Variants in TTC7A observed in about 807,000 individuals in gnomAD.
TTC7A encodes the protein tetratricopeptide repeat protein 7A.
A neutral mutation model predicts 103.7 loss-of-function variants in TTC7A; 110 were observed. The observed-to-expected ratio is 1.06, with a 90% CI of 0.91 to 1.24. TTC7A has a LOEUF of 1.24. Ranked by LOEUF, TTC7A falls within the 50% of genes most tolerant of loss-of-function variation. The pLI, the probability that TTC7A is intolerant of heterozygous loss-of-function variation, is 0.00. For synonymous variants in TTC7A, 521 were observed against 467.9 expected, an observed-to-expected ratio of 1.11 and a Z score of -1.47; for missense variants, 1,340 against 1,116.3, an observed-to-expected ratio of 1.20 and a Z score of -2.86.
chr2:47,012,023 C>A (rs1475333455), intron 11 of TTC7A, among the ~76,000 whole-genome samples: 1 of 152,222 alleles, frequency 6.6e-6, no homozygotes. Context: ...TTTAACCCCC[C>A]AGTTGGGGGT....
At chr2:47,025,124 G>T (rs59396728) in intron 14 of TTC7A, among the ~76,000 whole-genome samples, 25,296 of 152,156 alleles carry the variant, frequency 0.17, 2,192 homozygotes, top group African/African-American at 0.22. Flanking sequence ...TCTCCTTGCC[G>T]GAACCACCCA....
At chr2:46,979,590 C>T (rs1383341914) in intron 5 of TTC7A, among the ~76,000 whole-genome samples, 5 of 152,154 alleles carry the variant, frequency 3.3e-5, no homozygotes, top group Non-Finnish European at 7.4e-5. Context: ...GTTGAATAGT[C>T]GAGGGGGTGG....
At chr2:46,958,089 T>G (rs950827999) in intron 3 of TTC7A, among the ~76,000 whole-genome samples, 12 of 152,114 alleles carry the variant, frequency 7.9e-5, no homozygotes, top group Non-Finnish European at 1.0e-4. Flanking sequence ...CAACACACAC[T>G]CAGTTTCCCC....
chr2:46,948,925 G>A (rs1200995296), intron 1 of TTC7A, among the ~76,000 whole-genome samples: 1 of 152,212 alleles, frequency 6.6e-6, no homozygotes, highest in Non-Finnish European at 1.5e-5. Context: ...GATGTTTTTG[G>A]ATTGGCACTT....
Position 47,045,913 on chromosome 2 carries a change from G to A in TTC7A, c.1803-402G>A, listed in dbSNP as rs1025242571. Among the ~76,000 whole-genome samples the A allele has an allele frequency of 2.6e-5, 4 of 152,320 alleles. 1 individual carries two copies. The highest frequency in any genetic ancestry group is 1.5e-5 in the Non-Finnish European group (1 of 68,028). On this transcript the variant is annotated intron_variant, in intron 15 of 19. Coordinates refer to ENST00000319190, the MANE Select transcript of TTC7A (RefSeq NM_020458.4). The stretch of plus-strand genomic sequence containing the variant: ...CAAGGTCCCATGCTGGGCCCTGTGG[G>A]GAATGTGAGTGTAAGCCTGGTCCCA...
intron 3 of TTC7A, among the ~76,000 whole-genome samples, chr2:46,973,873 C>T (rs908032920): frequency 2.0e-5 from 3 of 152,164 alleles, no homozygotes; most frequent in African/African-American, 4.8e-5. Context: ...GCATTGGAGG[C>T]AGCAGATGTC....
chr2:47,042,889 G>A (rs1681913771), intron 15 of TTC7A, among the ~76,000 whole-genome samples: 1 of 152,196 alleles, frequency 6.6e-6, no homozygotes, highest in Non-Finnish European at 1.5e-5. Context: ...AGACAGGTAA[G>A]CAAGGGGAAG....
chr2:46,961,769 GC>G (rs1672399559), intron 3 of TTC7A, among the ~76,000 whole-genome samples: 1 of 151,716 alleles, frequency 6.6e-6, no homozygotes, highest in African/African-American at 2.4e-5. Flanking sequence ...CAAAAAATTA[GC>G]TGGTCATGGT....
rs748227136 is a variant in TTC7A at position 47,050,032 on chromosome 2, A to G, written c.2003A>G (p.His668Arg). 1.2e-6 allele frequency: 2 copies of G among 1,613,916 alleles called. No individual in the cohort carries two copies. Among genetic ancestry groups the G allele is most frequent in the Admixed American group, 1.7e-5 (1 of 60,034 alleles). The part of the protein sequence containing the change: ...SGMHLTLPDA[H>R]DADSGSRRAS... ...ATGCACCTGACTTTGCCTGATGCCC[A>G]TGATGCAGACTCTGGTAAGAACGAG... Residue 668 changes from histidine to arginine, a missense_variant, in exon 17 of 20, where the codon CAT (histidine) becomes CGT (arginine). By Grantham distance (29) the His-to-Arg change is conservative. Transcript: ENST00000319190.
At chr2:47,056,449 C>T (rs1410233076) in intron 18 of TTC7A, among the ~76,000 whole-genome samples, 1 of 152,120 alleles carries the variant, frequency 6.6e-6, no homozygotes, top group Non-Finnish European at 1.5e-5. Context: ...GGGGGTGGGC[C>T]CAGGCTCTCT....
chr2:47,059,009 C>CTTT lies in TTC7A; in HGVS notation c.2153-1732_2153-1730dup, dbSNP rs35753980. On this transcript the variant is annotated intron_variant, in intron 18 of 19. Transcript: ENST00000319190. ...GTGGGGTCCTCACCTCCTAAGCCTG[C>CTTT]TTTTTTTTTTTTTTTTTTTTTTTTT... Among the ~76,000 whole-genome samples the CTTT allele has an allele frequency of 1.3e-3, 60 of 44,718 alleles. 14 individuals carry two copies. The highest frequency in any genetic ancestry group is 1.6e-3 in the African/African-American group (13 of 8,318). 29.3% of individuals were successfully genotyped at this position (44,718 alleles called of 152,430 possible).
At chr2:47,054,302 T>C (rs1683139073) in intron 18 of TTC7A, 1 of 348,864 alleles carries the variant, frequency 2.9e-6, no homozygotes, top group Admixed American at 6.4e-5. Context: ...ACAGCGACTC[T>C]TCTGTCCCTA....
At chr2:47,070,388 C>T (rs967829279) in intron 19 of TTC7A, among the ~76,000 whole-genome samples, 13 of 152,204 alleles carry the variant, frequency 8.5e-5, no homozygotes, top group African/African-American at 2.4e-4. Context: ...CATCCCTGAT[C>T]GGAGGTCCAC....
intron 2 of TTC7A, among the ~76,000 whole-genome samples, chr2:46,953,470 T>C (rs13423962): frequency 0.11 from 17,406 of 152,114 alleles, 1,621 homozygotes; most frequent in African/African-American, 0.26. Flanking sequence ...TTGTAGTATT[T>C]TCTATCTCAC....
At chr2:47,070,748 T>C (rs1159815113) in intron 19 of TTC7A, among the ~76,000 whole-genome samples, 1 of 152,220 alleles carries the variant, frequency 6.6e-6, no homozygotes, top group East Asian at 1.9e-4. Context: ...TTCTGGGGAC[T>C]TCCCCCAGAG....
chr2:47,066,568 T>G, intron 19 of TTC7A, among the ~76,000 whole-genome samples: 1 of 152,116 alleles, frequency 6.6e-6, no homozygotes, highest in East Asian at 1.9e-4. Flanking sequence ...TCCCCCATCA[T>G]GGAGGGTTGG....
chr2:47,040,996 G>C (rs1029594898), intron 15 of TTC7A, among the ~76,000 whole-genome samples: 18 of 152,130 alleles, frequency 1.2e-4, no homozygotes, highest in African/African-American at 4.3e-4. Flanking sequence ...GCTGGATTTC[G>C]GTATTCAGGC....
chr2:47,062,405 T>G (rs1334798746), intron 19 of TTC7A, among the ~76,000 whole-genome samples: 1 of 152,270 alleles, frequency 6.6e-6, no homozygotes, highest in Non-Finnish European at 1.5e-5. Context: ...TACACCCTTG[T>G]CCATGTTCCT....
intron 2 of TTC7A, among the ~76,000 whole-genome samples, chr2:46,953,610 T>G (rs571688774): frequency 6.8e-4 from 104 of 152,108 alleles, no homozygotes; most frequent in Non-Finnish European, 1.2e-3. Context: ...CTGAGGCCCC[T>G]CCTTGGGAAA....
Sources: gnomAD v4.1 joint callset for allele counts (sites outside exome capture counted in the v4.1 genomes callset) on GRCh38, gnomAD v4.1.1 for gene constraint, MANE v1.5 for transcripts, NCBI Gene and HGNC (gene_info 2026-07-23, HGNC 2026-07-21) for gene names.